Variants in NLGN1 observed in about 807,000 individuals in gnomAD.
NLGN1 encodes neuroligin 1.
NLGN1 carries 12 observed loss-of-function variants against 65.5 expected under a neutral mutation model. The observed-to-expected ratio is 0.18, with a 90% confidence interval of 0.12 to 0.30. The LOEUF (loss-of-function observed/expected upper bound fraction) is 0.30, where lower values mean the gene tolerates loss of function less well. NLGN1 is among the 10% of genes least tolerant of loss of function. The pLI, the probability that NLGN1 is intolerant of heterozygous loss-of-function variation, is 1.00. For missense variants in NLGN1, 750 were observed against 1,007.1 expected (o/e 0.74, Z 3.46); for synonymous variants, 350 against 359.5 (o/e 0.97, Z 0.30).
chr3:173,504,174 A>G (rs917568219), intron 2 of NLGN1, among the ~76,000 whole-genome samples: 5 of 152,058 alleles, frequency 3.3e-5, no homozygotes, highest in African/African-American at 9.7e-5. Flanking sequence ...TTTCTGTTTC[A>G]TTGGACCACT....
chr3:173,962,996 G>T (rs1412792161), intron 4 of NLGN1, among the ~76,000 whole-genome samples: 2 of 152,084 alleles, frequency 1.3e-5, no homozygotes, highest in African/African-American at 4.8e-5. Context: ...TGTAGTTATG[G>T]TCGAGTTGCA....
At chr3:174,063,876 A>T (rs989071446) in intron 4 of NLGN1, among the ~76,000 whole-genome samples, 14 of 152,162 alleles carry the variant, frequency 9.2e-5, no homozygotes, top group Non-Finnish European at 1.9e-4. Context: ...CAGATCCTAA[A>T]GGATTAAATA....
At chr3:173,475,351 A>G (rs1726015946) in intron 2 of NLGN1, among the ~76,000 whole-genome samples, 1 of 152,126 alleles carries the variant, frequency 6.6e-6, no homozygotes, top group South Asian at 2.1e-4. Flanking sequence ...AGAAATAATA[A>G]CTATATAGTC....
At chr3:173,814,206 T>G (rs1317825258) in intron 4 of NLGN1, among the ~76,000 whole-genome samples, 1 of 152,246 alleles carries the variant, frequency 6.6e-6, no homozygotes, top group Non-Finnish European at 1.5e-5. Context: ...AATATCATTT[T>G]AGCAAAGAGC....
intron 3 of NLGN1, among the ~76,000 whole-genome samples, chr3:173,703,793 G>T: frequency 6.6e-6 from 1 of 152,134 alleles, no homozygotes; most frequent in East Asian, 1.9e-4. Flanking sequence ...AGAAATATGG[G>T]ATTCGTCATT....
chr3:174,117,191 A>G (rs1255563360), intron 4 of NLGN1, among the ~76,000 whole-genome samples: 1 of 151,184 alleles, frequency 6.6e-6, no homozygotes, highest in Non-Finnish European at 1.5e-5. Context: ...CTTCAATTAC[A>G]TTATGTCTGT....
At chr3:173,925,447 CA>C (rs1350399893) in intron 4 of NLGN1, among the ~76,000 whole-genome samples, 1 of 152,134 alleles carries the variant, frequency 6.6e-6, no homozygotes, top group Non-Finnish European at 1.5e-5. Context: ...TTTATTTCAC[CA>C]ATTCAGAATA....
At chr3:173,669,049 A>G (rs898813548) in intron 3 of NLGN1, among the ~76,000 whole-genome samples, 2 of 152,216 alleles carry the variant, frequency 1.3e-5, no homozygotes, top group South Asian at 2.1e-4. Flanking sequence ...AAGCTATAAT[A>G]TGATTGTTAT....
At chr3:173,979,004 C>CAA (rs776189299) in intron 4 of NLGN1, among the ~76,000 whole-genome samples, 16 of 140,174 alleles carry the variant, frequency 1.1e-4, no homozygotes, top group South Asian at 2.3e-4. Context: ...GATTCTGTCT[C>CAA]AAAAAAAAAA....
At chr3:174,034,818 G>C (rs1560890137) in intron 4 of NLGN1, among the ~76,000 whole-genome samples, 1 of 152,064 alleles carries the variant, frequency 6.6e-6, no homozygotes, top group Non-Finnish European at 1.5e-5. Flanking sequence ...TACAAATTAG[G>C]TAGATATTAA....
rs569197420 is a variant in NLGN1, at chr3:173,678,135, A to C, written c.493+73044A>C. On this transcript the variant is annotated intron_variant, in intron 3 of 6. Coordinates refer to ENST00000457714, the Ensembl canonical transcript of NLGN1. The stretch of plus-strand genomic sequence containing the variant: ...AATTGAAATACAATGTATCTAGTCA[A>C]CCTGAGCGTCCACAGGCCTTTAATG... Among the ~76,000 whole-genome samples the C allele has an allele frequency of 2.0e-5, 3 of 152,172 alleles. No individual in the cohort carries two copies. The South Asian group carries it at 6.2e-4, about 32-fold the overall frequency.
chr3:173,914,136 C>T (rs565785228), intron 4 of NLGN1, among the ~76,000 whole-genome samples: 2 of 152,248 alleles, frequency 1.3e-5, no homozygotes, highest in East Asian at 3.9e-4. Context: ...CCTAGGTACT[C>T]CAACAGCCAT....
chr3:173,968,459 A>G (rs990498738), intron 4 of NLGN1, among the ~76,000 whole-genome samples: 2 of 152,046 alleles, frequency 1.3e-5, no homozygotes, highest in East Asian at 1.9e-4. Flanking sequence ...TTATAGTCCT[A>G]TAGAATATTT....
rs146308354 is a variant in NLGN1 at position 174,095,660 on chromosome 3, G to A, written c.647-179655G>A. On this transcript the variant is annotated intron_variant, in intron 4 of 6. Coordinates refer to ENST00000457714, the Ensembl canonical transcript of NLGN1. Reference sequence around the variant, plus strand: ...TATGTATACATATGTAAATGCGTGTGTATAGATACATATATACACACACAC... The same window carrying A: ...TATGTATACATATGTAAATGCGTGTATATAGATACATATATACACACACAC... 5.4e-4 allele frequency among the ~76,000 whole-genome samples: 82 copies of A among 151,940 alleles called. 1 individual carries two copies. The East Asian group carries it at 8.9e-3, about 16-fold the overall frequency.
At chr3:173,575,740 T>C (rs1243197294) in intron 2 of NLGN1, among the ~76,000 whole-genome samples, 1 of 152,184 alleles carries the variant, frequency 6.6e-6, no homozygotes, top group African/African-American at 2.4e-5. Context: ...TAGGTAATCA[T>C]ACTCTTCTTT....
chr3:174,029,310 C>T (rs1729463823), intron 4 of NLGN1, among the ~76,000 whole-genome samples: 1 of 152,152 alleles, frequency 6.6e-6, no homozygotes, highest in Admixed American at 6.5e-5. Context: ...ATCAGTGTGA[C>T]CTGGATGAAA....
chr3:174,053,226 T>C (rs1158852380), intron 4 of NLGN1, among the ~76,000 whole-genome samples: 1 of 151,960 alleles, frequency 6.6e-6, no homozygotes, highest in Admixed American at 6.6e-5. Context: ...CCCTGAGCCT[T>C]AGTGTGCTTC....
At chr3:173,538,489 C>T (rs187362220) in intron 2 of NLGN1, among the ~76,000 whole-genome samples, 136 of 152,210 alleles carry the variant, frequency 8.9e-4, no homozygotes, top group Admixed American at 8.0e-3. Context: ...AAACGTTATG[C>T]GCAGAGAAGG....
chr3:173,723,200 G>A (rs1481022120), intron 3 of NLGN1, among the ~76,000 whole-genome samples: 3 of 152,196 alleles, frequency 2.0e-5, no homozygotes, highest in Non-Finnish European at 4.4e-5. Flanking sequence ...AAGATGTCAA[G>A]AGGGCAAGAG....
Sources: gnomAD v4.1 joint callset for allele counts (sites outside exome capture counted in the v4.1 genomes callset) on GRCh38, gnomAD v4.1.1 for gene constraint, MANE v1.5 for transcripts, NCBI Gene and HGNC (gene_info 2026-07-23, HGNC 2026-07-21) for gene names.